APOBEC3D: variants seen among roughly 807,000 people sequenced by gnomAD.
APOBEC3D encodes the protein apolipoprotein B mRNA editing enzyme catalytic subunit 3D, also known as DNA dC->dU-editing enzyme APOBEC-3D.
A neutral mutation model predicts 45.6 loss-of-function variants in APOBEC3D; 37 were observed. The observed-to-expected ratio is 0.81, with a 90% confidence interval of 0.62 to 1.07. The LOEUF (loss-of-function observed/expected upper bound fraction) is 1.07. APOBEC3D is among the 50% of genes least tolerant of loss of function. The pLI is 0.00. For synonymous variants in APOBEC3D, 175 were observed against 180.7 expected (o/e 0.97, Z 0.25); for missense variants, 496 against 495.3 (o/e 1.00, Z -0.01).
In APOBEC3D at chr22:39,025,163, T is replaced by A. The variant is rs773801027; in HGVS notation, c.304T>A (p.Trp102Arg). ...TGCTAACAGGCGCTTCCAGATCACC[T>A]GGTTTGTATCATGGAACCCCTGCCT... ...LPANRRFQITWFVSWNPCLPC... is the reference protein window; with the variant it reads ...LPANRRFQITRFVSWNPCLPC... The change falls in exon 3 of 7, where the codon TGG becomes AGG. Residue 102 changes from tryptophan to arginine, a missense_variant. Physicochemically the swap from Trp to Arg is moderately radical, Grantham distance 101. Transcript: ENST00000216099. The A allele has an allele frequency of 1.5e-5, 24 of 1,614,008 alleles. No individual in the cohort carries two copies. The East Asian group carries it at 5.3e-4, about 36-fold the overall frequency.
At position 39,025,617 on chromosome 22, in the gene APOBEC3D, A is replaced by C. The variant is rs201456810; in HGVS notation, c.551A>C (p.Tyr184Ser). The change falls in exon 4 of 7, where the codon TAC (tyrosine) becomes TCC (serine). Residue 184 changes from tyrosine (Y) to serine (S), a missense_variant. Physicochemically the swap from Tyr to Ser is moderately radical, Grantham distance 144 (BLOSUM62 -2). Coordinates refer to ENST00000216099, the MANE Select transcript of APOBEC3D (RefSeq NM_152426.4). ...CNEGQPFMPW[Y>S]KFDDNYASLH... ...GAAGGTCAGCCATTCATGCCTTGGT[A>C]CAAATTCGATGACAATTATGCATCC... The C allele has an allele frequency of 2.5e-6, 4 of 1,613,966 alleles. No individual in the cohort carries two copies. The African/African-American group carries it at 5.3e-5, about 22-fold the overall frequency.
At chr22:39,027,644 C>G (rs1925807020) in intron 4 of APOBEC3D, among the ~76,000 whole-genome samples, 1 of 152,226 alleles carries the variant, frequency 6.6e-6, no homozygotes. Flanking sequence ...AGCCTCAGAT[C>G]AGGGACCACT....
Position 39,033,192 on chromosome 22 carries a change from G to C in APOBEC3D, c.*876G>C, listed in dbSNP as rs140865638. ...AGATCGCGCCACAGAACTCCAGTTT[G>C]AGCAACAGATCAAGACCCTGCCTGA... is the stretch of plus-strand genomic sequence containing the variant. On this transcript the variant is annotated 3_prime_UTR_variant, in exon 7 of 7. Transcript: ENST00000216099. The C allele has an allele frequency of 4.1e-4, 368 of 903,844 alleles. 1 individual carries two copies. In the African/African-American group the frequency reaches 5.8e-3, roughly 14 times the overall value. 56.0% of individuals were successfully genotyped at this position (903,844 alleles called of 1,614,324 possible). A position where few individuals can be genotyped will look rare whatever the true frequency, so the allele number is the denominator to read the frequency against.
intron 4 of APOBEC3D, among the ~76,000 whole-genome samples, chr22:39,028,735 A>G (rs571186965): frequency 3.3e-5 from 5 of 152,288 alleles, no homozygotes; most frequent in Admixed American, 3.3e-4. Flanking sequence ...GGAGTTCAAG[A>G]CCACCCTGGC....
chr22:39,028,198 A>G (rs540136248), intron 4 of APOBEC3D, among the ~76,000 whole-genome samples: 18 of 152,220 alleles, frequency 1.2e-4, no homozygotes, highest in South Asian at 6.2e-4. Context: ...CGTGAGCACC[A>G]TTCACCTTTT....
intron 4 of APOBEC3D, among the ~76,000 whole-genome samples, chr22:39,028,188 C>T (rs933682676): frequency 5.9e-5 from 9 of 152,182 alleles, no homozygotes; most frequent in South Asian, 2.1e-4. Flanking sequence ...GCTCCTCCTC[C>T]GTGAGCACCA....
intron 5 of APOBEC3D, among the ~76,000 whole-genome samples, chr22:39,031,037 G>T (rs1041910171): frequency 6.6e-6 from 1 of 152,094 alleles, no homozygotes; most frequent in Admixed American, 6.6e-5. Flanking sequence ...GTAGGAGTGC[G>T]CGACTGTAAT....
intron 2 of APOBEC3D, among the ~76,000 whole-genome samples, chr22:39,024,181 G>C (rs1333958051): frequency 6.6e-6 from 1 of 152,242 alleles, no homozygotes; most frequent in Non-Finnish European, 1.5e-5. Flanking sequence ...TCGCGAGATA[G>C]TGAAGTTTCT....
chr22:39,026,822 G>A (rs533420004), intron 4 of APOBEC3D, among the ~76,000 whole-genome samples: 3 of 151,462 alleles, frequency 2.0e-5, no homozygotes, highest in South Asian at 2.1e-4. Context: ...GTGCGATCTC[G>A]GCTCACTGCA....
Position 39,029,394 on chromosome 22 carries a change from T to C in APOBEC3D, c.637T>C (p.Phe213Leu). The C allele has an allele frequency of 6.2e-7, 1 of 1,614,154 alleles. No homozygotes were observed. The highest frequency in any genetic ancestry group is 8.5e-7 in the Non-Finnish European group (1 of 1,180,020). Reference sequence around the variant, plus strand: ...GATGGAGGCAATGTACCCACACATATTCTACTTCCACTTTAAAAACCTACT... The same window carrying C: ...GATGGAGGCAATGTACCCACACATACTCTACTTCCACTTTAAAAACCTACT... ...NPMEAMYPHI[F>L]YFHFKNLLKA... Residue 213 changes from phenylalanine to leucine, a missense_variant, in exon 5 of 7, where the codon TTC (phenylalanine) becomes CTC (leucine). Phe to Leu is a conservative substitution (Grantham distance 22). Transcript: ENST00000216099.
chr22:39,025,773 C>T (rs1020190561), intron 4 of APOBEC3D, 102 bp downstream of exon 4: 20 of 1,585,344 alleles, frequency 1.3e-5, no homozygotes, highest in African/African-American at 4.0e-5. Context: ...GTCCTGCCCC[C>T]CTGCCTGCCC....
At position 39,025,162 on chromosome 22, in the gene APOBEC3D, C is replaced by T; in HGVS notation, c.303C>T (p.Thr101=). The T allele has an allele frequency of 1.2e-6, 2 of 1,614,018 alleles. No homozygotes were observed. The highest frequency in any genetic ancestry group is 1.7e-6 in the Non-Finnish European group (2 of 1,179,940). The part of the protein sequence containing the change: ...RLPANRRFQI[T]WFVSWNPCLP... ...CTGCTAACAGGCGCTTCCAGATCAC[C>T]TGGTTTGTATCATGGAACCCCTGCC... The change falls in exon 3 of 7, where the codon ACC becomes ACT. Residue 101 remains threonine, a synonymous_variant. Transcript: ENST00000216099.
chr22:39,023,109 A>G, intron 2 of APOBEC3D, 95 bp downstream of exon 2: 1 of 285,540 alleles, frequency 3.5e-6, no homozygotes, highest in Non-Finnish European at 4.7e-6. Context: ...TATTTTTTCT[A>G]TTTATTTATT....
At chr22:39,023,111 TTATTTA>T in intron 2 of APOBEC3D, 97 bp downstream of exon 2, 1 of 295,662 alleles carries the variant, frequency 3.4e-6, no homozygotes, top group Non-Finnish European at 4.6e-6. Context: ...TTTTTTCTAT[TTATTTA>T]TTTATTTATT....
At chr22:39,022,264 G>C (rs1925191852) in intron 1 of APOBEC3D, among the ~76,000 whole-genome samples, 1 of 152,330 alleles carries the variant, frequency 6.6e-6, no homozygotes, top group Non-Finnish European at 1.5e-5. Flanking sequence ...ACTGTCCCCA[G>C]CTCTGTGGCC....
In APOBEC3D at chr22:39,031,732, C is replaced by T. The variant is rs1348851795; in HGVS notation, c.801C>T (p.Phe267=). The stretch of plus-strand genomic sequence containing the variant: ...CCCATTGTCATGCAGAAAGGTGCTT[C>T]CTCTCTTGGTTCTGTGACGACATAC... The part of the protein sequence containing the change: ...PETHCHAERC[F]LSWFCDDILS... The change falls in exon 6 of 7, where the codon TTC becomes TTT. Residue 267 remains phenylalanine, a synonymous_variant. Coordinates refer to ENST00000216099, the MANE Select transcript of APOBEC3D (RefSeq NM_152426.4). The T allele has an allele frequency of 1.9e-6, 3 of 1,613,142 alleles. No homozygotes were observed. Among genetic ancestry groups the T allele is most frequent in the Non-Finnish European group, 1.7e-6 (2 of 1,179,236 alleles).
chr22:39,027,400 G>A (rs559210107), intron 4 of APOBEC3D, among the ~76,000 whole-genome samples: 5 of 152,114 alleles, frequency 3.3e-5, no homozygotes, highest in Non-Finnish European at 5.9e-5. Flanking sequence ...CATAGCTACC[G>A]GGTGGGGGGC....
At chr22:39,022,460 G>A (rs1925214652) in intron 1 of APOBEC3D, among the ~76,000 whole-genome samples, 1 of 152,238 alleles carries the variant, frequency 6.6e-6, no homozygotes, top group Non-Finnish European at 1.5e-5. Flanking sequence ...TGAAACATCA[G>A]GAAGGAATTG....
At chr22:39,028,375 C>T (rs1925886375) in intron 4 of APOBEC3D, among the ~76,000 whole-genome samples, 1 of 152,254 alleles carries the variant, frequency 6.6e-6, no homozygotes, top group African/African-American at 2.4e-5. Context: ...CAGCTCCATC[C>T]ACCGCCCCAG....
Sources: gnomAD v4.1 joint callset for allele counts (sites outside exome capture counted in the v4.1 genomes callset) on GRCh38, gnomAD v4.1.1 for gene constraint, MANE v1.5 for transcripts, NCBI Gene and HGNC (gene_info 2026-07-23, HGNC 2026-07-21) for gene names.